Variants in DSCAML1 observed in about 807,000 individuals in gnomAD.
The protein encoded by DSCAML1 is cell adhesion molecule DSCAML1.
Under a neutral mutation model 200.5 loss-of-function variants are expected in DSCAML1, and 38 were observed. The observed-to-expected ratio is 0.19, with a 90% CI of 0.15 to 0.25. DSCAML1 has a LOEUF of 0.25. DSCAML1 is among the 10% of genes least tolerant of loss of function. The pLI is 1.00. For missense variants in DSCAML1, 2,223 were observed against 2,858.8 expected (o/e 0.78, Z 5.07); for synonymous variants, 1,215 against 1,165.0 (o/e 1.04, Z -0.87).
At position 117,482,051 on chromosome 11, in the gene DSCAML1, T is replaced by C; in HGVS notation, c.2471A>G (p.Lys824Arg). ...GTCAGGGTCGATGACTGTGTCCCCC[T>C]TCTCCCAGCGGATGATGATGGGCCG... Reference protein sequence around the residue: ...GERPIIIRWEKGDTVIDPDRV... With the variant: ...GERPIIIRWERGDTVIDPDRV... Residue 824 changes from lysine to arginine, a missense_variant, in exon 12 of 33, where the codon AAG becomes AGG. By Grantham distance (26) the Lys-to-Arg change is conservative (BLOSUM62 2). This residue lies in a region of DSCAML1 where 438 missense variants were observed against 629.7 expected (regional missense o/e 0.70). Coordinates refer to ENST00000651296, the MANE Select transcript of DSCAML1 (RefSeq NM_020693.4). The C allele has an allele frequency of 2.5e-6, 4 of 1,614,180 alleles. No individual in the cohort carries two copies. The highest frequency in any genetic ancestry group is 3.4e-6 in the Non-Finnish European group (4 of 1,180,000).
intron 3 of DSCAML1, among the ~76,000 whole-genome samples, chr11:117,688,499 A>C (rs1390541364): frequency 2.0e-5 from 3 of 152,186 alleles, no homozygotes; most frequent in Non-Finnish European, 4.4e-5. Context: ...AGAGCCACCC[A>C]TTCCCGCCTC....
intron 3 of DSCAML1, among the ~76,000 whole-genome samples, chr11:117,539,207 G>GT (rs1198361830): frequency 6.6e-6 from 1 of 152,098 alleles, no homozygotes. Flanking sequence ...CCTTCTTCAG[G>GT]AAGCCTTCCC....
chr11:117,436,760 A>G (rs560578165), intron 26 of DSCAML1, among the ~76,000 whole-genome samples: 3 of 152,252 alleles, frequency 2.0e-5, no homozygotes, highest in African/African-American at 7.2e-5. Context: ...CTAATATTCC[A>G]TATCAGCAGA....
chr11:117,502,591 G>A (rs541031920), intron 11 of DSCAML1, among the ~76,000 whole-genome samples: 3 of 152,152 alleles, frequency 2.0e-5, no homozygotes, highest in Non-Finnish European at 4.4e-5. Context: ...AGCTGAACGC[G>A]GGCTTTGGCA....
intron 3 of DSCAML1, among the ~76,000 whole-genome samples, chr11:117,548,565 CA>C (rs1351823115): frequency 6.6e-6 from 1 of 152,244 alleles, no homozygotes; most frequent in African/African-American, 2.4e-5. Flanking sequence ...CCTCAAGTTC[CA>C]CATTTGGACG....
intron 3 of DSCAML1, among the ~76,000 whole-genome samples, chr11:117,664,349 A>C (rs955049485): frequency 6.6e-6 from 1 of 152,242 alleles, no homozygotes; most frequent in African/African-American, 2.4e-5. Flanking sequence ...TTATATGAAT[A>C]AGTACATTTA....
chr11:117,744,034 C>T (rs1289022878), intron 3 of DSCAML1, among the ~76,000 whole-genome samples: 2 of 152,144 alleles, frequency 1.3e-5, no homozygotes, highest in African/African-American at 4.8e-5. Flanking sequence ...TGGGGTGATG[C>T]GAGAACAGCA....
intron 3 of DSCAML1, among the ~76,000 whole-genome samples, chr11:117,637,061 C>T (rs1210136254): frequency 6.6e-6 from 1 of 152,048 alleles, no homozygotes; most frequent in African/African-American, 2.4e-5. Flanking sequence ...ACATGCTGTT[C>T]CCTGAGCAGG....
At chr11:117,690,088 T>C (rs781579430) in intron 3 of DSCAML1, among the ~76,000 whole-genome samples, 4 of 152,198 alleles carry the variant, frequency 2.6e-5, no homozygotes, top group Non-Finnish European at 5.9e-5. Context: ...GAGACTATAC[T>C]GAAAAAAACA....
intron 31 of DSCAML1, 94 bp from the exon 32 acceptor site, chr11:117,431,127 CT>C: frequency 7.7e-7 from 1 of 1,291,388 alleles, no homozygotes; most frequent in Non-Finnish European, 1.1e-6. Context: ...CAGCAGCCAT[CT>C]GTAAGTCTGG....
At chr11:117,529,762 C>T (rs1031808528) in intron 4 of DSCAML1, among the ~76,000 whole-genome samples, 7 of 152,004 alleles carry the variant, frequency 4.6e-5, no homozygotes, top group Non-Finnish European at 8.8e-5. Context: ...TCGTGCCTGC[C>T]TCTCTGTGGG....
chr11:117,794,333 TA>T (rs959126803), intron 1 of DSCAML1, among the ~76,000 whole-genome samples: 10 of 152,174 alleles, frequency 6.6e-5, no homozygotes, highest in African/African-American at 2.2e-4. Context: ...TCCGGCTGCC[TA>T]AACCTGGATT....
chr11:117,547,798 A>G (rs908679769), intron 3 of DSCAML1, among the ~76,000 whole-genome samples: 1 of 151,970 alleles, frequency 6.6e-6, no homozygotes, highest in Non-Finnish European at 1.5e-5. Flanking sequence ...GTGGCTTCCT[A>G]TTTTTCTCAG....
intron 3 of DSCAML1, among the ~76,000 whole-genome samples, chr11:117,607,212 G>A (rs1181096752): frequency 2.0e-5 from 3 of 152,188 alleles, no homozygotes; most frequent in Admixed American, 6.5e-5. Flanking sequence ...ACACCAACAC[G>A]GCCTTTTCGT....
chr11:117,740,083 G>A (rs1032788200), intron 3 of DSCAML1, among the ~76,000 whole-genome samples: 1 of 152,190 alleles, frequency 6.6e-6, no homozygotes. Context: ...GCAAGAGAAT[G>A]GGCACCTTCA....
chr11:117,472,870 A>T (rs2048712350), intron 14 of DSCAML1, among the ~76,000 whole-genome samples: 1 of 152,194 alleles, frequency 6.6e-6, no homozygotes, highest in Non-Finnish European at 1.5e-5. Context: ...TCTCCAGAGG[A>T]AACGGGAAGG....
chr11:117,732,276 T>C (rs1356544845), intron 3 of DSCAML1, among the ~76,000 whole-genome samples: 2 of 152,200 alleles, frequency 1.3e-5, no homozygotes, highest in Non-Finnish European at 2.9e-5. Context: ...TTTTCCAAAA[T>C]AAGACACAGG....
intron 11 of DSCAML1, among the ~76,000 whole-genome samples, chr11:117,494,951 T>C (rs757029787): frequency 6.6e-6 from 1 of 152,200 alleles, no homozygotes; most frequent in Non-Finnish European, 1.5e-5. Flanking sequence ...TACCTTGATG[T>C]CAGACTCCCA....
rs137886869 is a variant in DSCAML1, at chr11:117,682,268, C to T, written c.511+94523G>A. The stretch of plus-strand genomic sequence containing the variant: ...AATGAGGCCACCCGTCTGGCCTCCG[C>T]TGCCTGTCCAGCCCTGTCCAGAAAC... On this transcript the variant is annotated intron_variant, in intron 3 of 32. Coordinates refer to ENST00000651296, the MANE Select transcript of DSCAML1 (RefSeq NM_020693.4). 1.2e-4 allele frequency among the ~76,000 whole-genome samples: 18 copies of T among 152,316 alleles called. No homozygotes were observed. In the East Asian group the frequency reaches 3.5e-3, roughly 29 times the overall value.
Sources: allele counts gnomAD v4.1 joint callset (sites outside exome capture counted in the v4.1 genomes callset), GRCh38; gene constraint gnomAD v4.1.1; regional missense constraint gnomAD v4.1.1; transcripts MANE v1.5; gene names NCBI Gene and HGNC (gene_info 2026-07-23, HGNC 2026-07-21).